Variants in DPP7 observed in about 807,000 individuals in gnomAD.
The protein encoded by DPP7 is dipeptidyl peptidase 2.
Under a neutral mutation model 58.8 loss-of-function variants are expected in DPP7, and 74 were observed. The observed-to-expected ratio is 1.26, with a 90% CI of 1.04 to 1.53. The LOEUF is 1.53. Ranked by LOEUF, DPP7 falls within the 40% of genes most tolerant of loss-of-function variation. The pLI is 0.00. For missense variants in DPP7, 807 were observed against 692.3 expected (o/e 1.17, Z -1.86); for synonymous variants, 350 against 303.6 (o/e 1.15, Z -1.59).
chr9:137,113,684 C>T, intron 4 of DPP7, 181 bp downstream of exon 4: 1 of 1,422,134 alleles, frequency 7.0e-7, no homozygotes, highest in Non-Finnish European at 9.2e-7. Flanking sequence ...CCAAGCTGAG[C>T]AGGTGGCTGG....
intron 8 of DPP7, 156 bp downstream of exon 8, chr9:137,112,589 G>A (rs915349493): frequency 2.2e-6 from 2 of 919,414 alleles, no homozygotes; most frequent in Non-Finnish European, 3.2e-6. Context: ...CCTCCCCCAG[G>A]GTTTCTGGGA....
chr9:137,110,949 A>G lies in DPP7; in HGVS notation c.1274T>C (p.Ile425Thr), dbSNP rs1221940504. ...GNLDPWAGGG[I>T]RRNLSASVIA... Reference sequence around the variant, plus strand: ...GACTGAGGCACTCAGGTTCCTCCGAATCTGTGGTCAGTGGAAAGAACTCCA... The same window carrying G: ...GACTGAGGCACTCAGGTTCCTCCGAGTCTGTGGTCAGTGGAAAGAACTCCA... The change falls in exon 12 of 13, where the codon ATT becomes ACT. Residue 425 changes from isoleucine (I) to threonine (T), a missense_variant and splice_region_variant. Physicochemically the swap from Ile to Thr is moderately conservative, Grantham distance 89 (BLOSUM62 -1). Around this residue, in one of 3 missense-constraint regions of DPP7, gnomAD observed 624 missense variants for 531.2 expected, o/e 1.17. Coordinates refer to ENST00000371579, the MANE Select transcript of DPP7 (RefSeq NM_013379.3). 1 of 1,612,812 alleles carries G rather than the reference A, an allele frequency of 6.2e-7. No homozygotes were observed. The highest frequency in any genetic ancestry group is 1.3e-5 in the African/African-American group (1 of 74,894).
chr9:137,111,815 G>A (rs948591912), intron 10 of DPP7, 58 bp downstream of exon 10: 84 of 1,613,082 alleles, frequency 5.2e-5, no homozygotes, highest in Non-Finnish European at 6.8e-5. Flanking sequence ...GCCATGGGCA[G>A]GGGGTGCAGA....
At position 137,113,288 on chromosome 9, in the gene DPP7, C is replaced by A. The variant is rs1488981064; in HGVS notation, c.622-1G>T. ...ATTTGGGACTCTGGCCCTCAAAGTC[C>A]TGGGGGAAAGAGACCGTGCTGACTG... On this transcript the variant is annotated splice_acceptor_variant, in intron 5 of 12. Coordinates refer to ENST00000371579, the MANE Select transcript of DPP7 (RefSeq NM_013379.3). LOFTEE classifies it high-confidence loss of function. The A allele has an allele frequency of 6.2e-7, 1 of 1,613,750 alleles. No homozygotes were observed. The highest frequency in any genetic ancestry group is 8.5e-7 in the Non-Finnish European group (1 of 1,179,996).
At chr9:137,116,832 G>A (rs1406221508), upstream of DPP7, among the ~76,000 whole-genome samples, 2 of 152,248 alleles carry the variant, frequency 1.3e-5, no homozygotes, top group Non-Finnish European at 2.9e-5. Flanking sequence ...AAACCGCCCT[G>A]TGGCTGGAGG....
upstream of DPP7, among the ~76,000 whole-genome samples, chr9:137,117,497 G>A (rs142470264): frequency 0.012 from 1,758 of 152,344 alleles, 9 homozygotes; most frequent in Middle Eastern, 0.024. Flanking sequence ...GCCAGCAAGG[G>A]TGAGAGGCTG....
chr9:137,110,903 C>T lies in DPP7; in HGVS notation c.1320G>A (p.Gly440=). The part of the protein sequence containing the change: ...SASVIAVTIQ[G]GAHHLDLRAS... The stretch of plus-strand genomic sequence containing the variant: ...ACCTGAGGTCGAGGTGGTGCGCTCC[C>T]CCCTGGATGGTGACGGCGATGACTG... Residue 440 remains glycine, a synonymous_variant, in exon 12 of 13, where the codon GGG becomes GGA. Coordinates refer to ENST00000371579, the MANE Select transcript of DPP7 (RefSeq NM_013379.3). 6.2e-7 allele frequency: 1 copy of T among 1,612,962 alleles called. No homozygotes were observed.
chr9:137,115,644 G>A (rs1319550468), upstream of DPP7, among the ~76,000 whole-genome samples: 2 of 152,130 alleles, frequency 1.3e-5, no homozygotes, highest in East Asian at 1.9e-4. Context: ...GCTGAGCGGA[G>A]AAGACCGGCC....
chr9:137,113,193 G>A lies in DPP7; in HGVS notation c.703+13C>T, dbSNP rs779660042. 6 of 1,613,514 alleles carry A rather than the reference G, an allele frequency of 3.7e-6. No homozygotes were observed. In the African/African-American group the frequency reaches 8.0e-5, roughly 22 times the overall value. ...GGCGGGTCAGGCAGTGGGAGGCGGTGGGAGGACCTCACCTCCCTGTAGGAA... is the reference window on the plus strand; with the variant it reads ...GGCGGGTCAGGCAGTGGGAGGCGGTAGGAGGACCTCACCTCCCTGTAGGAA... On this transcript the variant is annotated intron_variant, in intron 6 of 12. Coordinates refer to ENST00000371579, the MANE Select transcript of DPP7 (RefSeq NM_013379.3).
At chr9:137,112,460 G>A in intron 8 of DPP7, 2 of 624,048 alleles carry the variant, frequency 3.2e-6, no homozygotes, top group Admixed American at 5.9e-5. Flanking sequence ...GGGGCAGGGT[G>A]GGGCCTGCTG....
chr9:137,113,696 A>G, intron 4 of DPP7, 169 bp downstream of exon 4: 1 of 1,421,504 alleles, frequency 7.0e-7, no homozygotes, highest in South Asian at 1.5e-5. Context: ...GGTGGCTGGG[A>G]GGACAGGTGG....
intron 3 of DPP7, 66 bp from the exon 4 acceptor site, chr9:137,114,094 C>G (rs1831518942): frequency 9.6e-7 from 1 of 1,041,008 alleles, no homozygotes; most frequent in South Asian, 4.5e-5. Context: ...CCCGCGACCC[C>G]CGCCCGCGAC....
chr9:137,113,049 G>C lies in DPP7; in HGVS notation c.774C>G (p.Leu258=). The part of the protein sequence containing the change: ...PLSDEKDLTQ[L]FMFARNAFTV... ...TGAAGGCATTCCGGGCGAACATGAAGAGCTGGGTCAGGTCCTTCTCGTCTG... is the reference window on the plus strand; with the variant it reads ...TGAAGGCATTCCGGGCGAACATGAACAGCTGGGTCAGGTCCTTCTCGTCTG... Residue 258 remains leucine (L), a synonymous_variant, in exon 7 of 13, where the codon CTC becomes CTG. Coordinates refer to ENST00000371579, the MANE Select transcript of DPP7 (RefSeq NM_013379.3). 6.2e-7 allele frequency: 1 copy of C among 1,613,906 alleles called. No homozygotes were observed. Among genetic ancestry groups the C allele is most frequent in the Non-Finnish European group, 8.5e-7 (1 of 1,180,030 alleles).
chr9:137,113,284 A>T lies in DPP7; in HGVS notation c.625T>A (p.Phe209Ile). ...NQFFRDVTAD[F>I]EGQSPKCTQG... is the part of the protein sequence containing the mutation. ...GTGCATTTGGGACTCTGGCCCTCAA[A>T]GTCCTGGGGGAAAGAGACCGTGCTG... The change falls in exon 6 of 13, where the codon TTT becomes ATT. Residue 209 changes from phenylalanine to isoleucine, a missense_variant. This residue lies in a region of DPP7 where 624 missense variants were observed against 531.2 expected (regional missense o/e 1.17). Transcript: ENST00000371579. 2 of 1,613,734 alleles carry T rather than the reference A, an allele frequency of 1.2e-6. No homozygotes were observed. The highest frequency in any genetic ancestry group is 1.7e-6 in the Non-Finnish European group (2 of 1,179,980).
chr9:137,112,463 G>GCCC, intron 8 of DPP7: 1 of 624,446 alleles, frequency 1.6e-6, no homozygotes, highest in Non-Finnish European at 2.8e-6. Context: ...GCAGGGTGGG[G>GCCC]CCTGCTGCCC....
At chr9:137,114,186 CCCCGCCCGGCACCCACGTGCCCCGCGA>C (rs1370131569) in intron 3 of DPP7, 30 bp downstream of exon 3, 2 of 559,642 alleles carry the variant, frequency 3.6e-6, no homozygotes, top group South Asian at 7.2e-5. Context: ...CCGCCCGCGA[CCCCGCCCGGCACCCACGTGCCCCGCGA>C]CCCCGCCCGC....
chr9:137,110,849 G>A (rs375246439), intron 12 of DPP7, 31 bp downstream of exon 12: 86 of 1,605,562 alleles, frequency 5.4e-5, no homozygotes, highest in African/African-American at 4.1e-4. Flanking sequence ...CGCCCGACCC[G>A]CGACCACCGC....
At position 137,110,548 on chromosome 9, in the gene DPP7, C is replaced by A; in HGVS notation, c.*100G>T. 6.8e-7 allele frequency: 1 copy of A among 1,474,126 alleles called. No individual in the cohort carries two copies. The highest frequency in any genetic ancestry group is 9.0e-7 in the Non-Finnish European group (1 of 1,105,298). 91.3% of individuals were successfully genotyped at this position (1,474,126 alleles called of 1,614,324 possible). A position where few individuals can be genotyped will look rare whatever the true frequency, so the allele number is the denominator to read the frequency against. ...ACAGGAAGGACGGGACATACATGGC[C>A]AGGCCTCCAGGCGTTTATTCAGCCC... is the stretch of plus-strand genomic sequence containing the variant. On this transcript the variant is annotated 3_prime_UTR_variant, in exon 13 of 13. Transcript: ENST00000371579.
chr9:137,113,748 G>C (rs1010495671), intron 4 of DPP7, 117 bp downstream of exon 4: 15 of 1,407,204 alleles, frequency 1.1e-5, no homozygotes, highest in Non-Finnish European at 1.4e-5. Flanking sequence ...TGGAACCACT[G>C]CCTGAGGCCT....
Sources: gnomAD v4.1 joint callset for allele counts (sites outside exome capture counted in the v4.1 genomes callset) on GRCh38, gnomAD v4.1.1 for gene constraint, gnomAD v4.1.1 regional missense constraint, MANE v1.5 for transcripts, NCBI Gene and HGNC (gene_info 2026-07-23, HGNC 2026-07-21) for gene names.